CHCHD3: variants seen among roughly 807,000 people sequenced by gnomAD.
CHCHD3 encodes MICOS complex subunit MIC19.
A neutral mutation model predicts 38.2 loss-of-function variants in CHCHD3; 20 were observed. The ratio of observed to expected loss-of-function variants is 0.52; its 90% CI spans 0.37 to 0.76. The LOEUF is 0.76. Among genes scored for constraint, CHCHD3 ranks in the 30% least tolerant of loss-of-function variants. The pLI is 0.00. For synonymous variants in CHCHD3, 82 were observed against 100.0 expected, an observed-to-expected ratio of 0.82 and a Z score of 1.07; for missense variants, 245 against 279.2, an observed-to-expected ratio of 0.88 and a Z score of 0.87.
At chr7:132,889,639 A>G (rs558026688) in intron 4 of CHCHD3, among the ~76,000 whole-genome samples, 19 of 152,212 alleles carry the variant, frequency 1.2e-4, no homozygotes, top group Admixed American at 6.5e-4. Flanking sequence ...CCTGGATTGC[A>G]AACAGAATCA....
chr7:132,935,690 C>T (rs1055126842), intron 4 of CHCHD3, among the ~76,000 whole-genome samples: 2 of 152,198 alleles, frequency 1.3e-5, no homozygotes, highest in African/African-American at 4.8e-5. Context: ...TGACTGGTGA[C>T]TCTAGACAAA....
intron 3 of CHCHD3, among the ~76,000 whole-genome samples, chr7:132,983,400 G>A (rs909241761): frequency 6.6e-6 from 1 of 152,124 alleles, no homozygotes; most frequent in African/African-American, 2.4e-5. Flanking sequence ...GGACGGAAAC[G>A]TAAACAGAGG....
chr7:133,071,839 A>C (rs1814825960), intron 1 of CHCHD3, among the ~76,000 whole-genome samples: 1 of 152,222 alleles, frequency 6.6e-6, no homozygotes. Context: ...AAGTGAAAGA[A>C]GCAAACACAA....
intron 4 of CHCHD3, among the ~76,000 whole-genome samples, chr7:132,961,705 A>G (rs146542875): frequency 9.8e-4 from 150 of 152,362 alleles, no homozygotes; most frequent in African/African-American, 3.4e-3. Context: ...TATAGTTACA[A>G]TGCTGTACCT....
chr7:132,907,179 A>G (rs1809822087), intron 4 of CHCHD3, among the ~76,000 whole-genome samples: 2 of 152,234 alleles, frequency 1.3e-5, no homozygotes, highest in African/African-American at 4.8e-5. Context: ...TGAACAAGAC[A>G]GGACAGACTA....
chr7:132,823,005 A>G (rs1444106955), intron 6 of CHCHD3, among the ~76,000 whole-genome samples: 1 of 152,214 alleles, frequency 6.6e-6, no homozygotes, highest in Admixed American at 6.5e-5. Context: ...CATAATAAAT[A>G]TAAGTTAAAA....
intron 5 of CHCHD3, 91 bp downstream of exon 5, chr7:132,885,571 G>T: frequency 2.0e-6 from 2 of 1,005,050 alleles, no homozygotes; most frequent in Non-Finnish European, 2.9e-6. Flanking sequence ...ACCAGGAAAA[G>T]CAGTTGAAGT....
chr7:132,967,513 G>A (rs959555266), intron 4 of CHCHD3, among the ~76,000 whole-genome samples: 9 of 151,908 alleles, frequency 5.9e-5, no homozygotes, highest in Non-Finnish European at 1.2e-4. Context: ...ATTTCTGGCC[G>A]GGTGCTGTGG....
In CHCHD3 at chr7:133,039,830, A is replaced by G. The variant is rs138669732; in HGVS notation, c.170-15203T>C. Among the ~76,000 whole-genome samples the G allele has an allele frequency of 1.1e-3, 162 of 152,318 alleles. No individual in the cohort carries two copies. In the East Asian group the frequency reaches 0.03, roughly 28 times the overall value. On this transcript the variant is annotated intron_variant, in intron 2 of 7. Transcript: ENST00000262570. ...CTTCTCTTGCAGTTAGGAATAGCCTAGTGACTAAGTTCAGGCCAAGAAAAT... is the reference window on the plus strand; with the variant it reads ...CTTCTCTTGCAGTTAGGAATAGCCTGGTGACTAAGTTCAGGCCAAGAAAAT...
At chr7:132,962,591 A>G (rs1212801852) in intron 4 of CHCHD3, among the ~76,000 whole-genome samples, 2 of 152,242 alleles carry the variant, frequency 1.3e-5, no homozygotes, top group African/African-American at 4.8e-5. Context: ...ACAGTTTTTA[A>G]TGATGCAAGT....
At chr7:132,807,862 A>G (rs1806971745) in intron 6 of CHCHD3, among the ~76,000 whole-genome samples, 1 of 152,010 alleles carries the variant, frequency 6.6e-6, no homozygotes, top group African/African-American at 2.4e-5. Context: ...GTTCAAAAAT[A>G]TACGGCATTT....
At chr7:133,039,029 G>C (rs578052383) in intron 2 of CHCHD3, among the ~76,000 whole-genome samples, 1 of 152,310 alleles carries the variant, frequency 6.6e-6, no homozygotes, top group South Asian at 2.1e-4. Flanking sequence ...ATAAAGTTTA[G>C]CTTTGCCTCC....
intron 2 of CHCHD3, among the ~76,000 whole-genome samples, chr7:133,045,186 CAAAA>C (rs760298080): frequency 1.6e-4 from 24 of 152,144 alleles, no homozygotes; most frequent in Non-Finnish European, 2.9e-4. Context: ...ATTTAATTAA[CAAAA>C]GAAAGAGTAG....
chr7:132,853,800 T>C (rs1490630420), intron 5 of CHCHD3, among the ~76,000 whole-genome samples: 3 of 152,148 alleles, frequency 2.0e-5, no homozygotes, highest in Admixed American at 1.3e-4. Context: ...CTCAGAAGTC[T>C]AGGATGAATT....
chr7:133,022,216 T>C (rs1301358952), intron 3 of CHCHD3, among the ~76,000 whole-genome samples: 1 of 152,212 alleles, frequency 6.6e-6, no homozygotes, highest in Non-Finnish European at 1.5e-5. Context: ...TTCTTCAAAA[T>C]GTACGTACGT....
chr7:132,907,377 A>C (rs979371147), intron 4 of CHCHD3, among the ~76,000 whole-genome samples: 1 of 152,294 alleles, frequency 6.6e-6, no homozygotes, highest in African/African-American at 2.4e-5. Context: ...ACCATAATAG[A>C]ATATAATATA....
intron 6 of CHCHD3, among the ~76,000 whole-genome samples, chr7:132,823,013 A>C (rs1397919874): frequency 6.6e-6 from 1 of 152,208 alleles, no homozygotes; most frequent in Non-Finnish European, 1.5e-5. Context: ...ATATAAGTTA[A>C]AATACGTATG....
At chr7:132,863,765 T>G (rs939323079) in intron 5 of CHCHD3, among the ~76,000 whole-genome samples, 2 of 152,244 alleles carry the variant, frequency 1.3e-5, no homozygotes, top group Non-Finnish European at 2.9e-5. Flanking sequence ...CATCAGCACC[T>G]AGTGCTTTAT....
intron 2 of CHCHD3, among the ~76,000 whole-genome samples, chr7:133,059,577 A>G (rs1814440912): frequency 6.6e-6 from 1 of 152,178 alleles, no homozygotes; most frequent in Admixed American, 6.5e-5. Flanking sequence ...CTCCACATCA[A>G]TGTTTCCAAA....
Sources: allele counts gnomAD v4.1 joint callset (sites outside exome capture counted in the v4.1 genomes callset), GRCh38; gene constraint gnomAD v4.1.1; transcripts MANE v1.5; gene names NCBI Gene and HGNC (gene_info 2026-07-23, HGNC 2026-07-21).